The following WDPCP variants were observed in gnomAD, a reference collection of about 807,000 sequenced individuals.
The protein encoded by WDPCP is WD repeat containing planar cell polarity effector.
WDPCP carries 71 observed loss-of-function variants against 93.1 expected under a neutral mutation model. That is an observed-to-expected ratio of 0.76 (90% CI 0.63 to 0.93). WDPCP has a LOEUF of 0.93. WDPCP is among the 40% of genes least tolerant of loss of function. The probability of loss-of-function intolerance (pLI) is 0.00; values close to 1 mark genes in which losing one functional copy is unlikely to be tolerated. For missense variants in WDPCP, 844 were observed against 887.4 expected (o/e 0.95, Z 0.62); for synonymous variants, 315 against 315.0 (o/e 1.00, Z 0.00).
At chr2:63,253,350 T>G (rs978351410) in intron 14 of WDPCP, among the ~76,000 whole-genome samples, 2 of 151,806 alleles carry the variant, frequency 1.3e-5, no homozygotes, top group Non-Finnish European at 2.9e-5. Flanking sequence ...ATTAAGTAAG[T>G]CCTCAAAAAT....
chr2:63,672,164 T>C (rs997172491), intron 2 of WDPCP, among the ~76,000 whole-genome samples: 1 of 152,160 alleles, frequency 6.6e-6, no homozygotes, highest in Non-Finnish European at 1.5e-5. Flanking sequence ...AACTGCCCCA[T>C]CAAAGAGAGG....
At chr2:63,128,236 A>G (rs753029221) in intron 17 of WDPCP, among the ~76,000 whole-genome samples, 2 of 152,184 alleles carry the variant, frequency 1.3e-5, no homozygotes, top group Non-Finnish European at 2.9e-5. Context: ...ATGATTTATT[A>G]CCCTTGACTA....
At chr2:63,223,169 G>GA (rs1677982021) in intron 14 of WDPCP, among the ~76,000 whole-genome samples, 1 of 151,982 alleles carries the variant, frequency 6.6e-6, no homozygotes, top group African/African-American at 2.4e-5. Context: ...CCTATTTGAC[G>GA]AAACAACTCA....
intron 2 of WDPCP, among the ~76,000 whole-genome samples, chr2:63,674,597 G>A (rs1710382239): frequency 1.3e-5 from 2 of 152,024 alleles, no homozygotes; most frequent in South Asian, 4.1e-4. Flanking sequence ...AGTTATGCAG[G>A]ATGAATAAGT....
At chr2:63,583,679 CAA>C (rs10718475) in intron 1 of WDPCP, among the ~76,000 whole-genome samples, 118 of 135,464 alleles carry the variant, frequency 8.7e-4, no homozygotes, top group Admixed American at 1.4e-3. Flanking sequence ...GACTCCGTTT[CAA>C]AAAAAAAAAA....
intron 1 of WDPCP, among the ~76,000 whole-genome samples, chr2:63,555,534 G>A (rs1180819988): frequency 2.0e-5 from 3 of 152,106 alleles, no homozygotes; most frequent in African/African-American, 4.8e-5. Context: ...CGTGCCTCCT[G>A]ACTAGGTGAG....
chr2:63,196,037 A>C (rs926924637), intron 14 of WDPCP, among the ~76,000 whole-genome samples: 4 of 152,218 alleles, frequency 2.6e-5, no homozygotes, highest in Non-Finnish European at 5.9e-5. Flanking sequence ...TCATCTATGC[A>C]TGAGCAGTTT....
intron 2 of WDPCP, 69 bp from the exon 3 acceptor site, chr2:63,487,563 C>T (rs1475646202): frequency 4.3e-6 from 5 of 1,161,818 alleles, no homozygotes; most frequent in Non-Finnish European, 6.4e-6. Flanking sequence ...CCAAGCCATA[C>T]TATATTAGGG....
chr2:63,271,794 G>A (rs1364970504), intron 13 of WDPCP, among the ~76,000 whole-genome samples: 2 of 151,904 alleles, frequency 1.3e-5, no homozygotes, highest in African/African-American at 2.4e-5. Context: ...ATGACATCAG[G>A]CCCACCCCGC....
intron 1 of WDPCP, chr2:63,518,589 C>T: frequency 6.5e-6 from 1 of 152,860 alleles, no homozygotes; most frequent in Non-Finnish European, 1.5e-5. Flanking sequence ...TGGAGCATGG[C>T]CATGGATGCC....
intron 12 of WDPCP, among the ~76,000 whole-genome samples, chr2:63,314,184 CTT>C (rs56991037): frequency 1.3e-5 from 2 of 148,872 alleles, no homozygotes; most frequent in African/African-American, 5.0e-5. Context: ...GCCCCATCTT[CTT>C]TTTTTTTTAA....
At chr2:63,295,796 A>AAC in intron 13 of WDPCP, among the ~76,000 whole-genome samples, 1 of 130,116 alleles carries the variant, frequency 7.7e-6, no homozygotes, top group Non-Finnish European at 1.7e-5. Flanking sequence ...ACAACAACAA[A>AAC]AAAGCCCAGG....
chr2:63,671,179 C>G (rs1043746365), intron 2 of WDPCP, among the ~76,000 whole-genome samples: 1 of 152,120 alleles, frequency 6.6e-6, no homozygotes, highest in Admixed American at 6.5e-5. Flanking sequence ...TGAGGTGTGC[C>G]TACTAGACCT....
intron 2 of WDPCP, among the ~76,000 whole-genome samples, chr2:63,759,244 T>G (rs1200594728): frequency 6.6e-6 from 1 of 152,162 alleles, no homozygotes; most frequent in Non-Finnish European, 1.5e-5. Flanking sequence ...AGCAATCTTG[T>G]ATTTGTAGTT....
chr2:63,418,483 GT>G (rs1257297657), intron 9 of WDPCP, among the ~76,000 whole-genome samples: 1 of 152,182 alleles, frequency 6.6e-6, no homozygotes, highest in African/African-American at 2.4e-5. Flanking sequence ...CATGCTTATT[GT>G]TATCAACAAA....
chr2:63,454,197 C>T (rs1288177033), intron 6 of WDPCP, among the ~76,000 whole-genome samples: 11 of 151,852 alleles, frequency 7.2e-5, no homozygotes, highest in Admixed American at 1.3e-4. Flanking sequence ...GAGTTCATGT[C>T]CTTTCCAGGG....
intron 14 of WDPCP, among the ~76,000 whole-genome samples, chr2:63,180,829 C>G (rs929983200): frequency 5.3e-5 from 8 of 152,184 alleles, no homozygotes; most frequent in Non-Finnish European, 8.8e-5. Context: ...TTCTCTGCAT[C>G]CTTACCAACA....
chr2:63,627,187 C>T (rs542367181), intron 3 of WDPCP, among the ~76,000 whole-genome samples: 35 of 152,112 alleles, frequency 2.3e-4, no homozygotes, highest in Non-Finnish European at 4.7e-4. Context: ...TAGAACACAA[C>T]ATTTAGTTGA....
chr2:63,685,971 C>A (rs570160040), intron 2 of WDPCP, among the ~76,000 whole-genome samples: 2 of 152,174 alleles, frequency 1.3e-5, no homozygotes, highest in Admixed American at 1.3e-4. Flanking sequence ...ACAATAAAAG[C>A]CATATGTGAC....
Sources: gnomAD v4.1 joint callset for allele counts (sites outside exome capture counted in the v4.1 genomes callset) on GRCh38, gnomAD v4.1.1 for gene constraint, MANE v1.5 for transcripts, NCBI Gene and HGNC (gene_info 2026-07-23, HGNC 2026-07-21) for gene names.